PCSK1: variants seen among roughly 807,000 people sequenced by gnomAD.
The protein encoded by PCSK1 is proprotein convertase subtilisin/kexin type 1, also known as neuroendocrine convertase 1.
A neutral mutation model predicts 90.6 loss-of-function variants in PCSK1; 56 were observed. The ratio of observed to expected loss-of-function variants is 0.62; its 90% CI spans 0.50 to 0.77. The LOEUF (loss-of-function observed/expected upper bound fraction) is 0.77, where lower values mean the gene tolerates loss of function less well. PCSK1 is among the 30% of genes least tolerant of loss of function. PCSK1 has a pLI of 0.00. For synonymous variants in PCSK1, 348 were observed against 342.4 expected (o/e 1.02, Z -0.18); for missense variants, 801 against 932.6 (o/e 0.86, Z 1.84).
chr5:96,426,018 A>T lies in PCSK1; in HGVS notation c.286-88T>A, dbSNP rs1761296893. 3.9e-6 allele frequency: 3 copies of T among 767,708 alleles called. No individual in the cohort carries two copies. In the African/African-American group the frequency reaches 5.1e-5, roughly 13 times the overall value. 47.6% of individuals were successfully genotyped at this position (767,708 alleles called of 1,614,324 possible). On this transcript the variant is annotated intron_variant, in intron 2 of 13. Transcript: ENST00000311106. ...AACTATCTCCAGTACCCTTCCCATC[A>T]GAGTTCAGGCAGCTCTGCAATATTT...
intron 5 of PCSK1, among the ~76,000 whole-genome samples, chr5:96,418,310 G>T (rs1039480475): frequency 2.0e-5 from 3 of 152,164 alleles, no homozygotes; most frequent in Non-Finnish European, 4.4e-5. Context: ...AACAATGGTA[G>T]TAACTGGCAT....
chr5:96,411,861 G>A (rs947065801), intron 7 of PCSK1, among the ~76,000 whole-genome samples: 4 of 152,188 alleles, frequency 2.6e-5, no homozygotes, highest in Non-Finnish European at 5.9e-5. Context: ...CCAGGCTGGA[G>A]TGCAATGCTG....
intron 2 of PCSK1, among the ~76,000 whole-genome samples, chr5:96,427,656 C>T (rs79429475): frequency 0.024 from 3,720 of 152,244 alleles, 147 homozygotes; most frequent in African/African-American, 0.085. Flanking sequence ...TCTTCATTGT[C>T]ATGAGATACT....
At chr5:96,431,998 C>T in intron 1 of PCSK1, 1 of 929,808 alleles carries the variant, frequency 1.1e-6, no homozygotes, top group Admixed American at 2.0e-5. Flanking sequence ...TGACGCCCAC[C>T]CACCTCCAAC....
At chr5:96,422,254 C>T (rs1442280504) in intron 4 of PCSK1, among the ~76,000 whole-genome samples, 1 of 152,100 alleles carries the variant, frequency 6.6e-6, no homozygotes, top group East Asian at 1.9e-4. Context: ...TTACTTAGTT[C>T]AGTCATCTCA....
Position 96,397,442 on chromosome 5 carries a change from C to T in PCSK1, c.1616G>A (p.Arg539Lys). The T allele has an allele frequency of 6.2e-7, 1 of 1,613,312 alleles. No individual in the cohort carries two copies. Among genetic ancestry groups the T allele is most frequent in the Non-Finnish European group, 8.5e-7 (1 of 1,179,260 alleles). The change falls in exon 12 of 14, where the codon AGA becomes AAA. Residue 539 changes from arginine (R) to lysine (K), a missense_variant. By Grantham distance (26) the Arg-to-Lys change is conservative. Transcript: ENST00000311106. The part of the protein sequence containing the change: ...AGTSTVLLAE[R>K]ERDTSPNGFK... ...GCCATTAGGAGATGTATCCCGTTCT[C>T]TTTCAGCCAAGAGCACAGTGCTAGT...
rs1026383684 is a variant in PCSK1, at chr5:96,399,978, C to T, written c.1405G>A (p.Val469Ile). The change falls in exon 10 of 14, where the codon GTA (valine) becomes ATA (isoleucine). Residue 469 changes from valine to isoleucine, a missense_variant. Val to Ile is a conservative substitution (Grantham distance 29). Transcript: ENST00000311106. ...CTGGGCTCAAAGTCATTGTCCTTTA[C>T]AACACACTCTTTCTTCTCAGGCACG... ...RSVPEKKECV[V>I]KDNDFEPRAL... is the part of the protein sequence containing the mutation. The T allele has an allele frequency of 3.1e-5, 50 of 1,613,678 alleles. No individual in the cohort carries two copies. In the Middle Eastern group the frequency reaches 1.8e-3, roughly 58 times the overall value.
chr5:96,416,322 A>G (rs1760938009), intron 5 of PCSK1, among the ~76,000 whole-genome samples: 1 of 152,238 alleles, frequency 6.6e-6, no homozygotes, highest in African/African-American at 2.4e-5. Context: ...ATGTGATTTC[A>G]AATTCTGGCT....
intron 3 of PCSK1, among the ~76,000 whole-genome samples, chr5:96,424,999 G>GAAAGAAAGA (rs1202272571): frequency 1.1e-5 from 1 of 93,178 alleles, no homozygotes; most frequent in Non-Finnish European, 2.1e-5. Context: ...GAAAGAAAGA[G>GAAAGAAAGA]AAAGAAAGAA....
chr5:96,425,181 C>T (rs1761268091), intron 3 of PCSK1, among the ~76,000 whole-genome samples: 1 of 152,138 alleles, frequency 6.6e-6, no homozygotes, highest in South Asian at 2.1e-4. Flanking sequence ...ATAAAATTCT[C>T]AACAACAAAT....
In PCSK1 at chr5:96,412,752, G is replaced by GTTTTTTTTTTT. The variant is rs57397343; in HGVS notation, c.710-273_710-263dup. On this transcript the variant is annotated intron_variant, in intron 6 of 13. Coordinates refer to ENST00000311106, the MANE Select transcript of PCSK1 (RefSeq NM_000439.5). ...CATGCACTGTGTAGGCAGCTGTGAT[G>GTTTTTTTTTTT]TTTTTTTTTTTTTTTTTTTTTTTGG... 5.6e-5 allele frequency among the ~76,000 whole-genome samples: 4 copies of GTTTTTTTTTTT among 71,806 alleles called. 1 individual carries two copies. Among genetic ancestry groups the GTTTTTTTTTTT allele is most frequent in the African/African-American group, 9.0e-5 (1 of 11,126 alleles). The allele number at this position is 71,806 out of a possible 152,430, so 47.1% of individuals were successfully genotyped here. A position where few individuals can be genotyped will look rare whatever the true frequency, so the allele number is the denominator to read the frequency against.
chr5:96,419,573 C>A (rs955698978), intron 5 of PCSK1, among the ~76,000 whole-genome samples: 2 of 151,390 alleles, frequency 1.3e-5, no homozygotes, highest in Non-Finnish European at 2.9e-5. Flanking sequence ...TACTAAGTGG[C>A]AGATCTAAAA....
At position 96,394,947 on chromosome 5, in the gene PCSK1, T is replaced by C. The variant is rs1181472764; in HGVS notation, c.1801A>G (p.Met601Val). ...LHGTSSQPEH[M>V]KQPRVYTSYN... ...GACGTGTACACACGAGGCTGCTTCA[T>C]ATGCTCTGGCTGAGAAGAGGTCCCG... is the stretch of plus-strand genomic sequence containing the variant. Residue 601 changes from methionine (M) to valine (V), a missense_variant, in exon 13 of 14, where the codon ATG becomes GTG. Coordinates refer to ENST00000311106, the MANE Select transcript of PCSK1 (RefSeq NM_000439.5). 6.2e-7 allele frequency: 1 copy of C among 1,614,114 alleles called. No homozygotes were observed.
At chr5:96,415,566 T>C (rs1326923461) in intron 6 of PCSK1, among the ~76,000 whole-genome samples, 1 of 152,220 alleles carries the variant, frequency 6.6e-6, no homozygotes, top group Non-Finnish European at 1.5e-5. Context: ...AAATCCTACA[T>C]CCTTGCTATA....
intron 9 of PCSK1, among the ~76,000 whole-genome samples, chr5:96,401,543 A>G (rs1424167355): frequency 6.6e-6 from 1 of 152,224 alleles, no homozygotes; most frequent in Non-Finnish European, 1.5e-5. Flanking sequence ...TAATTTAGCA[A>G]CACTATAAAG....
At chr5:96,411,534 T>C (rs1404332825) in intron 7 of PCSK1, among the ~76,000 whole-genome samples, 1 of 152,210 alleles carries the variant, frequency 6.6e-6, no homozygotes, top group Non-Finnish European at 1.5e-5. Context: ...TTAGAATCTG[T>C]GCAAGAATAC....
Position 96,423,332 on chromosome 5 carries a change from G to C in PCSK1, c.524C>G (p.Thr175Arg). The C allele has an allele frequency of 6.2e-7, 1 of 1,611,416 alleles. No individual in the cohort carries two copies. The highest frequency in any genetic ancestry group is 1.1e-5 in the South Asian group (1 of 90,434). ...VLDDGLEWNH[T>R]DIYANYDPEA... ...ACTTACATAGTTGGCATAAATGTCC[G>C]TGTGATTCCACTCCAAACCATCATC... Residue 175 changes from threonine (T) to arginine (R), a missense_variant, in exon 4 of 14, where the codon ACG becomes AGG. Transcript: ENST00000311106.
At position 96,425,402 on chromosome 5, in the gene PCSK1, T is replaced by C. The variant is rs564667086; in HGVS notation, c.396+418A>G. ...CTTTCAGAGATTCTCATCTGTGTCA[T>C]ATAAGAATTGTCATTCAGGGTTGTA... On this transcript the variant is annotated intron_variant, in intron 3 of 13. Transcript: ENST00000311106. Among the ~76,000 whole-genome samples the C allele has an allele frequency of 2.6e-5, 4 of 152,350 alleles. No individual in the cohort carries two copies. In the South Asian group the frequency reaches 6.2e-4, roughly 24 times the overall value.
chr5:96,401,456 A>G (rs1275298544), intron 9 of PCSK1, among the ~76,000 whole-genome samples: 1 of 152,224 alleles, frequency 6.6e-6, no homozygotes, highest in African/African-American at 2.4e-5. Context: ...GGGAGCTTAT[A>G]CTTTATCTTT....
Sources: gnomAD v4.1 joint callset for allele counts (sites outside exome capture counted in the v4.1 genomes callset) on GRCh38, gnomAD v4.1.1 for gene constraint, MANE v1.5 for transcripts, NCBI Gene and HGNC (gene_info 2026-07-23, HGNC 2026-07-21) for gene names.